EEFSEC: variants seen among roughly 807,000 people sequenced by gnomAD.
EEFSEC encodes the protein eukaryotic elongation factor, selenocysteine-tRNA specific, also known as selenocysteine-specific elongation factor.
EEFSEC carries 43 observed loss-of-function variants against 42.1 expected under a neutral mutation model. That is an observed-to-expected ratio of 1.02 (90% confidence interval 0.80 to 1.32). EEFSEC has a LOEUF of 1.32. EEFSEC is among the 40% of genes most tolerant of loss of function. The pLI is 0.00. For synonymous variants in EEFSEC, 354 were observed against 339.1 expected (o/e 1.04, Z -0.48); for missense variants, 745 against 803.6 (o/e 0.93, Z 0.88).
intron 1 of EEFSEC, among the ~76,000 whole-genome samples, chr3:128,241,233 G>T (rs1424505229): frequency 2.9e-5 from 4 of 136,840 alleles, no homozygotes; most frequent in African/African-American, 5.7e-5. Context: ...TTGAGACAGG[G>T]TCTCACTCTG....
At chr3:128,310,798 C>T (rs1376201644) in intron 4 of EEFSEC, among the ~76,000 whole-genome samples, 1 of 152,244 alleles carries the variant, frequency 6.6e-6, no homozygotes, top group East Asian at 1.9e-4. Context: ...CAGTAGTGCT[C>T]AGGCTCTGGA....
intron 4 of EEFSEC, among the ~76,000 whole-genome samples, chr3:128,268,210 T>C (rs901721821): frequency 7.2e-5 from 11 of 152,164 alleles, no homozygotes; most frequent in African/African-American, 2.7e-4. Flanking sequence ...CCTTTTGGAA[T>C]GTTAGAAGTA....
intron 1 of EEFSEC, among the ~76,000 whole-genome samples, chr3:128,197,308 G>A (rs2065595171): frequency 6.6e-6 from 1 of 152,182 alleles, no homozygotes; most frequent in South Asian, 2.1e-4. Context: ...GTCTCGCTCT[G>A]TTGCCACGCT....
intron 4 of EEFSEC, among the ~76,000 whole-genome samples, chr3:128,331,921 CA>C (rs5852539): frequency 0.016 from 2,402 of 152,034 alleles, 46 homozygotes; most frequent in African/African-American, 0.054. Flanking sequence ...CCCACAACAC[CA>C]CAGTTTCTCA....
At chr3:128,399,609 G>A (rs1272355169) in intron 6 of EEFSEC, among the ~76,000 whole-genome samples, 1 of 152,118 alleles carries the variant, frequency 6.6e-6, no homozygotes, top group Non-Finnish European at 1.5e-5. Flanking sequence ...AGCCAGCGAC[G>A]TTAAAGGCTT....
intron 2 of EEFSEC, among the ~76,000 whole-genome samples, chr3:128,256,568 G>A (rs552963866): frequency 3.3e-5 from 5 of 152,176 alleles, no homozygotes; most frequent in Non-Finnish European, 7.3e-5. Flanking sequence ...CTTCTTGGCT[G>A]CATGTGGATT....
intron 4 of EEFSEC, among the ~76,000 whole-genome samples, chr3:128,266,824 C>G (rs2066359326): frequency 6.6e-6 from 1 of 151,976 alleles, no homozygotes; most frequent in East Asian, 2.0e-4. Context: ...TGCAAATCTT[C>G]AAAAATAAAG....
At chr3:128,204,764 C>T (rs998795720) in intron 1 of EEFSEC, among the ~76,000 whole-genome samples, 4 of 151,968 alleles carry the variant, frequency 2.6e-5, no homozygotes, top group Admixed American at 1.3e-4. Context: ...GCAGTCTGTG[C>T]GTCAGTGAGA....
chr3:128,210,624 G>A (rs2065746374), intron 1 of EEFSEC, among the ~76,000 whole-genome samples: 1 of 152,210 alleles, frequency 6.6e-6, no homozygotes, highest in East Asian at 1.9e-4. Context: ...TTTATTTTAA[G>A]TTCCTTCTAG....
intron 4 of EEFSEC, among the ~76,000 whole-genome samples, chr3:128,295,451 CTTTTTTT>C (rs201911929): frequency 5.9e-4 from 38 of 63,986 alleles, no homozygotes; most frequent in South Asian, 1.4e-3. Context: ...CTTCCCCCTA[CTTTTTTT>C]TTTTTTTTTT....
At chr3:128,249,531 C>A (rs1247969471) in intron 2 of EEFSEC, among the ~76,000 whole-genome samples, 6 of 152,050 alleles carry the variant, frequency 3.9e-5, no homozygotes, top group Admixed American at 3.9e-4. Flanking sequence ...ACTATATATA[C>A]CCCAAACTTT....
intron 4 of EEFSEC, among the ~76,000 whole-genome samples, chr3:128,292,270 C>G (rs946801779): frequency 1.3e-5 from 2 of 151,816 alleles, no homozygotes; most frequent in Non-Finnish European, 2.9e-5. Context: ...GTATATTGCT[C>G]TTAATTGTCC....
At chr3:128,355,371 G>A (rs2067439741) in intron 5 of EEFSEC, among the ~76,000 whole-genome samples, 1 of 152,076 alleles carries the variant, frequency 6.6e-6, no homozygotes, top group South Asian at 2.1e-4. Flanking sequence ...TGGGCCTTGG[G>A]TGGGGGTAGA....
chr3:128,334,320 T>A (rs2067166507), intron 4 of EEFSEC, among the ~76,000 whole-genome samples: 1 of 152,178 alleles, frequency 6.6e-6, no homozygotes. Flanking sequence ...GGAGCCATCT[T>A]TTTGGGCTCA....
intron 6 of EEFSEC, among the ~76,000 whole-genome samples, chr3:128,366,428 A>G (rs1013807380): frequency 6.6e-6 from 1 of 152,180 alleles, no homozygotes; most frequent in Non-Finnish European, 1.5e-5. Context: ...TGACCACTCA[A>G]TCCTGCCAGC....
At chr3:128,234,029 A>T (rs903809218) in intron 1 of EEFSEC, among the ~76,000 whole-genome samples, 2 of 3,768 alleles carry the variant, frequency 5.3e-4, no homozygotes, top group Non-Finnish European at 9.0e-4. Context: ...TCATCTTTTT[A>T]TTTATTTATT....
the EEFSEC span, among the ~76,000 whole-genome samples, chr3:128,415,811 G>A: frequency 1.3e-5 from 2 of 152,228 alleles, no homozygotes; most frequent in Non-Finnish European, 2.9e-5. Context: ...ATGGATGGGT[G>A]GGAAGGAGAG....
At chr3:128,374,303 A>G (rs1576681517) in intron 6 of EEFSEC, among the ~76,000 whole-genome samples, 1 of 152,162 alleles carries the variant, frequency 6.6e-6, no homozygotes, top group South Asian at 2.1e-4. Flanking sequence ...CCTCGCCTCC[A>G]AGGGCTGTGC....
At chr3:128,187,076 T>C (rs1419596378) in intron 1 of EEFSEC, among the ~76,000 whole-genome samples, 1 of 152,180 alleles carries the variant, frequency 6.6e-6, no homozygotes, top group Admixed American at 6.5e-5. Flanking sequence ...TTTCAAACCT[T>C]GAACATGAAT....
Sources: gnomAD v4.1 joint callset for allele counts (sites outside exome capture counted in the v4.1 genomes callset) on GRCh38, gnomAD v4.1.1 for gene constraint, MANE v1.5 for transcripts, NCBI Gene and HGNC (gene_info 2026-07-23, HGNC 2026-07-21) for gene names.